PHACTR1: variants seen among roughly 807,000 people sequenced by gnomAD.
PHACTR1 encodes RPEL repeat containing 1.
A neutral mutation model predicts 69.2 loss-of-function variants in PHACTR1; 16 were observed. The observed-to-expected ratio is 0.23, with a 90% CI of 0.16 to 0.35. The LOEUF is 0.35. Among genes scored for constraint, PHACTR1 ranks in the 10% least tolerant of loss-of-function variants. The probability of loss-of-function intolerance (pLI) is 1.00; values close to 1 mark genes in which losing one functional copy is unlikely to be tolerated. For synonymous variants in PHACTR1, 312 were observed against 284.5 expected, an observed-to-expected ratio of 1.10 and a Z score of -0.97; for missense variants, 510 against 734.7, an observed-to-expected ratio of 0.69 and a Z score of 3.54.
At chr6:13,055,677 T>C (rs893108230) in intron 5 of PHACTR1, among the ~76,000 whole-genome samples, 3 of 152,258 alleles carry the variant, frequency 2.0e-5, no homozygotes, top group Non-Finnish European at 4.4e-5. Flanking sequence ...AGTCAAGGGC[T>C]TTGTTTAGTT....
At chr6:12,901,982 G>C (rs1375325140) in intron 4 of PHACTR1, among the ~76,000 whole-genome samples, 1 of 152,114 alleles carries the variant, frequency 6.6e-6, no homozygotes. Flanking sequence ...GGACGTTTTT[G>C]GTTGTCATAA....
At chr6:12,894,423 G>A (rs1784449024) in intron 4 of PHACTR1, among the ~76,000 whole-genome samples, 1 of 152,126 alleles carries the variant, frequency 6.6e-6, no homozygotes, top group African/African-American at 2.4e-5. Context: ...TGGCCAACAT[G>A]GCAATACCCC....
intron 4 of PHACTR1, among the ~76,000 whole-genome samples, chr6:12,804,270 T>A (rs1774041460): frequency 1.3e-5 from 2 of 152,240 alleles, no homozygotes; most frequent in South Asian, 4.1e-4. Flanking sequence ...CAACTCTGCC[T>A]CTTATTCAGT....
chr6:13,013,614 A>AC, intron 4 of PHACTR1, among the ~76,000 whole-genome samples: 1 of 151,798 alleles, frequency 6.6e-6, no homozygotes, highest in Non-Finnish European at 1.5e-5. Flanking sequence ...TGCACGTGAG[A>AC]CCCCGAGAGA....
chr6:13,197,210 TACTTTA>T (rs1186810473), intron 7 of PHACTR1, among the ~76,000 whole-genome samples: 57 of 152,270 alleles, frequency 3.7e-4, no homozygotes, highest in African/African-American at 1.2e-3. Context: ...GTACGGGGGC[TACTTTA>T]TACTCAGGCC....
intron 7 of PHACTR1, among the ~76,000 whole-genome samples, chr6:13,189,399 T>C (rs1183086690): frequency 4.8e-5 from 7 of 146,804 alleles, no homozygotes; most frequent in African/African-American, 1.3e-4. Context: ...CCACCCCCCC[T>C]TTTTTTTTTC....
intron 12 of PHACTR1, among the ~76,000 whole-genome samples, chr6:13,282,812 A>G (rs1165694171): frequency 6.6e-6 from 1 of 152,194 alleles, no homozygotes; most frequent in African/African-American, 2.4e-5. Context: ...AGTAGGACAG[A>G]TAAGAAGAAA....
chr6:13,053,318 C>A, intron 4 of PHACTR1, 47 bp from the exon 5 acceptor site: 4 of 1,527,136 alleles, frequency 2.6e-6, no homozygotes, highest in East Asian at 2.3e-5. Context: ...CCCATTTTAA[C>A]ACTTTTTTTC....
chr6:13,079,590 C>T (rs1370147278), intron 5 of PHACTR1, among the ~76,000 whole-genome samples: 2 of 152,038 alleles, frequency 1.3e-5, no homozygotes, highest in Admixed American at 6.6e-5. Flanking sequence ...CTTGGCAAGC[C>T]ACTGCTGCAT....
At chr6:12,915,043 T>C (rs1474804118) in intron 4 of PHACTR1, among the ~76,000 whole-genome samples, 1 of 152,176 alleles carries the variant, frequency 6.6e-6, no homozygotes, top group Admixed American at 6.5e-5. Context: ...GGAGTATGTC[T>C]TGTCTGCATA....
At chr6:13,197,971 A>G (rs1365404401) in intron 7 of PHACTR1, among the ~76,000 whole-genome samples, 2 of 152,180 alleles carry the variant, frequency 1.3e-5, no homozygotes, top group Non-Finnish European at 1.5e-5. Flanking sequence ...GGCCCTGAGC[A>G]TCTGCCTTTC....
chr6:13,032,456 A>G (rs77445322), intron 4 of PHACTR1, among the ~76,000 whole-genome samples: 5,437 of 152,292 alleles, frequency 0.036, 309 homozygotes, highest in African/African-American at 0.12. Flanking sequence ...GCTCATGATT[A>G]TGATTATGCA....
intron 4 of PHACTR1, among the ~76,000 whole-genome samples, chr6:12,924,950 C>T (rs897058959): frequency 1.3e-5 from 2 of 151,950 alleles, no homozygotes; most frequent in African/African-American, 2.4e-5. Context: ...TAGCATTACC[C>T]CTCAATACAT....
At chr6:12,763,677 G>C (rs938910996) in intron 4 of PHACTR1, among the ~76,000 whole-genome samples, 3 of 152,164 alleles carry the variant, frequency 2.0e-5, no homozygotes, top group Non-Finnish European at 4.4e-5. Context: ...TGTGTTGCCA[G>C]ATTCATTTAT....
chr6:12,813,777 A>C (rs1335758577), intron 4 of PHACTR1, among the ~76,000 whole-genome samples: 1 of 152,230 alleles, frequency 6.6e-6, no homozygotes, highest in African/African-American at 2.4e-5. Flanking sequence ...CACTGGAACT[A>C]GTGCTCTAGA....
intron 4 of PHACTR1, among the ~76,000 whole-genome samples, chr6:12,850,849 C>G (rs1779753163): frequency 6.6e-6 from 1 of 152,116 alleles, no homozygotes; most frequent in Non-Finnish European, 1.5e-5. Context: ...CTTATAAGAA[C>G]ACCAATTGTA....
chr6:13,041,707 C>T (rs530166063), intron 4 of PHACTR1, among the ~76,000 whole-genome samples: 4 of 152,140 alleles, frequency 2.6e-5, no homozygotes, highest in Admixed American at 2.0e-4. Flanking sequence ...GAAAAAATGT[C>T]CAGGAGTGTA....
chr6:12,749,699 T>A lies in PHACTR1; in HGVS notation c.159T>A (p.Asp53Glu), dbSNP rs769102139. Residue 53 changes from aspartate to glutamate, a missense_variant, in exon 4 of 15, where the codon GAT becomes GAA. Coordinates refer to ENST00000332995, the MANE Select transcript of PHACTR1 (RefSeq NM_030948.6). ...CATTAATGGCGGCATCCTCGGAGGA[T>A]GATATAGACCGGCGGCCCATCCGGA... The part of the protein sequence containing the change: ...PPTLMAASSE[D>E]DIDRRPIRRV... 6.2e-7 allele frequency: 1 copy of A among 1,611,634 alleles called. No individual in the cohort carries two copies. The highest frequency in any genetic ancestry group is 8.5e-7 in the Non-Finnish European group (1 of 1,179,356).
At chr6:13,135,381 G>A (rs1196285729) in intron 5 of PHACTR1, among the ~76,000 whole-genome samples, 3 of 152,218 alleles carry the variant, frequency 2.0e-5, no homozygotes, top group Admixed American at 1.3e-4. Flanking sequence ...CGGAGTCGCT[G>A]TTAGACATTG....
Sources: allele counts gnomAD v4.1 joint callset (sites outside exome capture counted in the v4.1 genomes callset), GRCh38; gene constraint gnomAD v4.1.1; transcripts MANE v1.5; gene names NCBI Gene and HGNC (gene_info 2026-07-23, HGNC 2026-07-21).